TUSC3: variants seen among roughly 807,000 people sequenced by gnomAD.
TUSC3 encodes the protein tumor suppressor candidate 3.
TUSC3 carries 45 observed loss-of-function variants against 44.8 expected under a neutral mutation model. The ratio of observed to expected loss-of-function variants is 1.00; its 90% CI spans 0.79 to 1.29. The LOEUF (loss-of-function observed/expected upper bound fraction) is 1.29, where lower values mean the gene tolerates loss of function less well. Ranked by LOEUF, TUSC3 falls within the 50% of genes most tolerant of loss-of-function variation. TUSC3 has a pLI of 0.00. For synonymous variants in TUSC3, 212 were observed against 152.9 expected, an observed-to-expected ratio of 1.39 and a Z score of -2.85; for missense variants, 519 against 437.9, an observed-to-expected ratio of 1.19 and a Z score of -1.65.
intron 1 of TUSC3, among the ~76,000 whole-genome samples, chr8:15,440,922 A>G (rs1017259826): frequency 6.6e-6 from 1 of 152,192 alleles, no homozygotes; most frequent in Non-Finnish European, 1.5e-5. Flanking sequence ...ACCATTGCCA[A>G]GTTATGTTGA....
chr8:15,744,968 T>G (rs1330903232), intron 8 of TUSC3, among the ~76,000 whole-genome samples: 1 of 152,058 alleles, frequency 6.6e-6, no homozygotes, highest in Non-Finnish European at 1.5e-5. Flanking sequence ...CCCACTCTAG[T>G]CGTGTCTGTT....
intron 2 of TUSC3, among the ~76,000 whole-genome samples, chr8:15,523,238 A>G (rs1041249544): frequency 6.6e-6 from 1 of 152,132 alleles, no homozygotes; most frequent in East Asian, 1.9e-4. Context: ...TGCCCAATGC[A>G]TCTGTGTAAA....
intron 1 of TUSC3, among the ~76,000 whole-genome samples, chr8:15,550,708 G>C (rs1045321773): frequency 1.7e-4 from 25 of 151,030 alleles, no homozygotes; most frequent in Non-Finnish European, 3.1e-4. Context: ...GTCTCTCACT[G>C]TCACCCAGGT....
intron 1 of TUSC3, among the ~76,000 whole-genome samples, chr8:15,620,993 G>T (rs542816246): frequency 1.4e-5 from 2 of 143,036 alleles, no homozygotes; most frequent in Admixed American, 6.9e-5. Flanking sequence ...GTGTGTGTCT[G>T]TGTGTGAGTG....
intron 2 of TUSC3, among the ~76,000 whole-genome samples, chr8:15,523,896 C>G (rs990797278): frequency 1.3e-4 from 20 of 150,932 alleles, no homozygotes; most frequent in Non-Finnish European, 1.0e-4. Flanking sequence ...TGTCTACTAG[C>G]AATACAAAAA....
chr8:15,603,948 G>A (rs1332160945), intron 1 of TUSC3, among the ~76,000 whole-genome samples: 1 of 151,486 alleles, frequency 6.6e-6, no homozygotes, highest in Non-Finnish European at 1.5e-5. Context: ...TTTTACTCAT[G>A]AATAATGATA....
At chr8:15,709,501 T>G (rs1723553052) in intron 6 of TUSC3, among the ~76,000 whole-genome samples, 1 of 151,864 alleles carries the variant, frequency 6.6e-6, no homozygotes, top group Non-Finnish European at 1.5e-5. Context: ...CTCCTCTGAC[T>G]TACTCATTAT....
rs373871685 is a variant in TUSC3, at chr8:15,650,821, A to G, written c.426+7A>G. On this transcript the variant is annotated splice_region_variant and intron_variant, in intron 3 of 10. Coordinates refer to ENST00000503731, the MANE Select transcript of TUSC3 (RefSeq NM_006765.4). ...GACAGACGTTTTTCAGCAGGTAAAG[A>G]GTTATATCGTATTCATATATTTAAC... 1.9e-6 allele frequency: 3 copies of G among 1,607,948 alleles called. No individual in the cohort carries two copies. Among genetic ancestry groups the G allele is most frequent in the South Asian group, 2.2e-5 (2 of 90,960 alleles).
rs368339191 is a variant in TUSC3 at position 15,522,071 on chromosome 8, G to A, written n.189+38588G>A. 3.9e-5 allele frequency among the ~76,000 whole-genome samples: 6 copies of A among 152,138 alleles called. No individual in the cohort carries two copies. In the East Asian group the frequency reaches 7.7e-4, roughly 20 times the overall value. On this transcript the variant is annotated intron_variant and non_coding_transcript_variant, in intron 2 of 5. Transcript: ENST00000503191. ...ATTCTTTCCTCAATGCTATGGCAAGGCATTTCTGAAATCTTCATCTCATTT... is the reference window on the plus strand; with the variant it reads ...ATTCTTTCCTCAATGCTATGGCAAGACATTTCTGAAATCTTCATCTCATTT...
chr8:15,763,593 T>A lies in TUSC3; in HGVS notation c.*47-610T>A, dbSNP rs575684454. Among the ~76,000 whole-genome samples, 147 of 152,156 alleles carry A rather than the reference T, an allele frequency of 9.7e-4. 1 individual carries two copies. Among genetic ancestry groups the A allele is most frequent in the Non-Finnish European group, 1.8e-3 (124 of 67,960 alleles). On this transcript the variant is annotated intron_variant, in intron 10 of 10. Transcript: ENST00000503731. The stretch of plus-strand genomic sequence containing the variant: ...GCTTCATAAATGTTATTTAAATTGA[T>A]TTACCATCTTACAAAATTAAATTTT...
At chr8:15,720,190 G>GTA (rs146671801) in intron 6 of TUSC3, among the ~76,000 whole-genome samples, 26,944 of 134,364 alleles carry the variant, frequency 0.2, 2,831 homozygotes, top group Non-Finnish European at 0.27. Flanking sequence ...TAAATATAGT[G>GTA]TATATATATA....
intron 1 of TUSC3, among the ~76,000 whole-genome samples, chr8:15,576,534 C>T (rs78344338): frequency 0.078 from 10,955 of 140,708 alleles, 1,303 homozygotes; most frequent in African/African-American, 0.26. Flanking sequence ...ATTGTTCAGT[C>T]CCCACCTATG....
At chr8:15,486,317 T>A (rs912557703) in intron 2 of TUSC3, among the ~76,000 whole-genome samples, 1 of 152,140 alleles carries the variant, frequency 6.6e-6, no homozygotes, top group African/African-American at 2.4e-5. Flanking sequence ...CAGGGATAAG[T>A]GGTAATTAAA....
At position 15,585,790 on chromosome 8, in the gene TUSC3, A is replaced by G. The variant is rs543305605; in HGVS notation, c.139-37290A>G. On this transcript the variant is annotated intron_variant, in intron 1 of 10. Coordinates refer to ENST00000503731, the MANE Select transcript of TUSC3 (RefSeq NM_006765.4). ...AGCCCCTCAGTGTCTGTGCCTGCAG[A>G]CTGTTCTTTTGTTTGAAAAGATTCA... Among the ~76,000 whole-genome samples, 5 of 152,214 alleles carry G rather than the reference A, an allele frequency of 3.3e-5. No individual in the cohort carries two copies. The East Asian group carries it at 9.7e-4, about 29-fold the overall frequency.
At chr8:15,433,203 A>C (rs1585786612) in intron 1 of TUSC3, among the ~76,000 whole-genome samples, 1 of 152,270 alleles carries the variant, frequency 6.6e-6, no homozygotes, top group East Asian at 1.9e-4. Context: ...TTCATTCTGG[A>C]GAAAAGTTCT....
intron 6 of TUSC3, among the ~76,000 whole-genome samples, chr8:15,693,441 CTTT>C (rs35915071): frequency 2.1e-5 from 2 of 96,892 alleles, no homozygotes; most frequent in African/African-American, 7.9e-5. Context: ...GTTGGAAGTT[CTTT>C]TTTTTTTTTT....
intron 1 of TUSC3, among the ~76,000 whole-genome samples, chr8:15,482,821 T>C (rs1381675559): frequency 6.6e-6 from 1 of 152,224 alleles, no homozygotes; most frequent in Non-Finnish European, 1.5e-5. Context: ...ACATACAATA[T>C]TAATTGCAAG....
intron 1 of TUSC3, among the ~76,000 whole-genome samples, chr8:15,597,352 A>G (rs796131589): frequency 7.9e-5 from 12 of 152,216 alleles, no homozygotes; most frequent in African/African-American, 2.9e-4. Context: ...TCCTCAAGGT[A>G]AATTTGATAT....
chr8:15,517,859 T>A (rs1334679183), intron 2 of TUSC3, among the ~76,000 whole-genome samples: 1 of 152,132 alleles, frequency 6.6e-6, no homozygotes, highest in Admixed American at 6.5e-5. Context: ...TCTGATATAA[T>A]TCACATACCA....
Sources: allele counts gnomAD v4.1 joint callset (sites outside exome capture counted in the v4.1 genomes callset), GRCh38; gene constraint gnomAD v4.1.1; transcripts MANE v1.5; gene names NCBI Gene and HGNC (gene_info 2026-07-23, HGNC 2026-07-21).